Variants in PRDM16 observed in about 807,000 individuals in gnomAD.
PRDM16 encodes the protein histone-lysine N-methyltransferase PRDM16.
PRDM16 carries 23 observed loss-of-function variants against 110.6 expected under a neutral mutation model. The ratio of observed to expected loss-of-function variants is 0.21; its 90% CI spans 0.15 to 0.29. The LOEUF is 0.29. Among genes scored for constraint, PRDM16 ranks in the 10% least tolerant of loss-of-function variants. The pLI, the probability that PRDM16 is intolerant of heterozygous loss-of-function variation, is 1.00. For missense variants in PRDM16, 1,615 were observed against 1,794.3 expected (o/e 0.90, Z 1.81); for synonymous variants, 799 against 781.8 (o/e 1.02, Z -0.37).
intron 3 of PRDM16, among the ~76,000 whole-genome samples, chr1:3,383,804 C>G (rs967751184): frequency 2.6e-5 from 4 of 151,328 alleles, no homozygotes; most frequent in Middle Eastern, 3.4e-3. Flanking sequence ...ATCCATCACC[C>G]CTGCCCGCCC....
In PRDM16 at chr1:3,142,113, GC is replaced by G. The variant is rs143885429; in HGVS notation, c.38-44008del. On this transcript the variant is annotated intron_variant, in intron 1 of 16. Coordinates refer to ENST00000270722, the MANE Select transcript of PRDM16 (RefSeq NM_022114.4). ...AACCAAGCTCGTGAGAAACGGAGCT[GC>G]CCCAGCCTCCATCGGCTCCCCCCGT... 2.9e-3 allele frequency among the ~76,000 whole-genome samples: 442 copies of G among 152,358 alleles called. 2 individuals are homozygous for G. The highest frequency in any genetic ancestry group is 0.01 in the African/African-American group (433 of 41,598).
rs1393341586 is a variant in PRDM16 at position 3,339,520 on chromosome 1, A to G, written c.439-45632A>G. On this transcript the variant is annotated intron_variant, in intron 3 of 16. Coordinates refer to ENST00000270722, the MANE Select transcript of PRDM16 (RefSeq NM_022114.4). The surrounding 1 kb of genome is among the most constrained non-coding windows in gnomAD (Gnocchi z 5.0). ...CTACTTAGGCTGGGATTTCAAGAGC[A>G]ACAAAGCTTTGTTGCCCACCGAGCG... Among the ~76,000 whole-genome samples, 1 of 151,396 alleles carries G rather than the reference A, an allele frequency of 6.6e-6. No homozygotes were observed. The highest frequency in any genetic ancestry group is 2.4e-5 in the African/African-American group (1 of 41,104).
chr1:3,181,818 A>G (rs1223176690), intron 1 of PRDM16, among the ~76,000 whole-genome samples: 2 of 49,324 alleles, frequency 4.1e-5, no homozygotes, highest in Non-Finnish European at 7.6e-5. Flanking sequence ...GGTCTTACAC[A>G]TGCGGTCTTA....
chr1:3,336,963 A>G (rs1038869313), intron 3 of PRDM16, among the ~76,000 whole-genome samples: 2 of 147,280 alleles, frequency 1.4e-5, no homozygotes, highest in African/African-American at 5.1e-5. Flanking sequence ...GAGCACATGC[A>G]TGCACATATG....
rs548941044 is a variant in PRDM16, at chr1:3,154,036, C to T, written c.38-32089C>T. On this transcript the variant is annotated intron_variant, in intron 1 of 16. Coordinates refer to ENST00000270722, the MANE Select transcript of PRDM16 (RefSeq NM_022114.4). ...AAATACAGTAAAATCAGCCCAGGGA[C>T]GGCGCTCCCCTTCCCGTGCACTCTC... Among the ~76,000 whole-genome samples the T allele has an allele frequency of 2.6e-5, 4 of 152,308 alleles. No individual in the cohort carries two copies. The South Asian group carries it at 8.3e-4, about 32-fold the overall frequency.
At chr1:3,083,509 C>T (rs1642077218) in intron 1 of PRDM16, among the ~76,000 whole-genome samples, 1 of 152,126 alleles carries the variant, frequency 6.6e-6, no homozygotes, top group African/African-American at 2.4e-5. Flanking sequence ...GCTTCTTCAT[C>T]ATTTCTGTGA....
chr1:3,404,516 A>G (rs2100645592), intron 6 of PRDM16, among the ~76,000 whole-genome samples: 1 of 152,356 alleles, frequency 6.6e-6, no homozygotes, highest in Non-Finnish European at 1.5e-5. Flanking sequence ...GGAACCATCC[A>G]GGTGCCGGCT....
In PRDM16 at chr1:3,383,028, G is replaced by A. The variant is rs543332427; in HGVS notation, c.439-2124G>A. Among the ~76,000 whole-genome samples, 12 of 152,318 alleles carry A rather than the reference G, an allele frequency of 7.9e-5. No homozygotes were observed. The East Asian group carries it at 1.2e-3, about 15-fold the overall frequency. Reference sequence around the variant, plus strand: ...GCCTAGTTATGCTTCTTGGACCCACGTCCCCTGTGGACCACAGGCCCACCT... The same window carrying A: ...GCCTAGTTATGCTTCTTGGACCCACATCCCCTGTGGACCACAGGCCCACCT... On this transcript the variant is annotated intron_variant, in intron 3 of 16. Coordinates refer to ENST00000270722, the MANE Select transcript of PRDM16 (RefSeq NM_022114.4).
intron 3 of PRDM16, among the ~76,000 whole-genome samples, chr1:3,288,578 G>A (rs565306609): frequency 6.6e-6 from 1 of 152,264 alleles, no homozygotes; most frequent in East Asian, 1.9e-4. Context: ...CCCAAGCGGG[G>A]GACCAATGCC....
intron 1 of PRDM16, among the ~76,000 whole-genome samples, chr1:3,091,469 C>T (rs867350232): frequency 5.3e-5 from 8 of 152,206 alleles, no homozygotes; most frequent in Middle Eastern, 3.2e-3. Context: ...AGGGGGAGTT[C>T]GTGAGAAGGG....
chr1:3,213,155 C>A lies in PRDM16; in HGVS notation c.387+26681C>A, dbSNP rs2100850677. Among the ~76,000 whole-genome samples, 1 of 152,340 alleles carries A rather than the reference C, an allele frequency of 6.6e-6. No homozygotes were observed. Among genetic ancestry groups the A allele is most frequent in the African/African-American group, 2.4e-5 (1 of 41,586 alleles). ...AACTCCTCTGCCAAAAAAGGAAATG[C>A]CACCGCCAACAGCAACAGAAACACA... On this transcript the variant is annotated intron_variant, in intron 2 of 16. Transcript: ENST00000270722. This position sits in a 1 kb window ranked among gnomAD's most constrained non-coding sequence, Gnocchi z 5.3.
chr1:3,181,311 C>A (rs1253865448), intron 1 of PRDM16, among the ~76,000 whole-genome samples: 1 of 143,902 alleles, frequency 6.9e-6, no homozygotes, highest in African/African-American at 2.7e-5. Flanking sequence ...TACACACGGT[C>A]TTACACACGC....
At chr1:3,400,365 C>G (rs1430229008) in intron 5 of PRDM16, among the ~76,000 whole-genome samples, 2 of 152,174 alleles carry the variant, frequency 1.3e-5, no homozygotes, top group African/African-American at 4.8e-5. Context: ...AGGGGTCAGC[C>G]TTGCCACCCA....
intron 1 of PRDM16, among the ~76,000 whole-genome samples, chr1:3,150,389 CA>C (rs34595741): frequency 0.35 from 36,326 of 104,446 alleles, 5,202 homozygotes; most frequent in African/African-American, 0.44. Flanking sequence ...AACCCCATCT[CA>C]AAAAAAAAAA....
At chr1:3,275,072 T>C (rs924505939) in intron 3 of PRDM16, among the ~76,000 whole-genome samples, 6 of 152,224 alleles carry the variant, frequency 3.9e-5, no homozygotes, top group African/African-American at 1.4e-4. Flanking sequence ...GGCTCCCAGG[T>C]GCGCCTGGCA....
intron 3 of PRDM16, among the ~76,000 whole-genome samples, chr1:3,289,847 A>C: frequency 6.9e-6 from 1 of 144,490 alleles, no homozygotes; most frequent in African/African-American, 2.6e-5. Context: ...AGGAGTCAGG[A>C]CCCCACTCCC....
rs1175389781 is a variant in PRDM16, at chr1:3,290,409, G to A, written c.438+46272G>A. 3.9e-5 allele frequency among the ~76,000 whole-genome samples: 6 copies of A among 152,268 alleles called. No individual in the cohort carries two copies. The East Asian group carries it at 7.7e-4, about 20-fold the overall frequency. ...AGGCACAGAGAGGGGGAAATTTGCC[G>A]GTTCCCCAAAGAGCCTGCTGCCTCC... On this transcript the variant is annotated intron_variant, in intron 3 of 16. Coordinates refer to ENST00000270722, the MANE Select transcript of PRDM16 (RefSeq NM_022114.4). This position sits in a 1 kb window ranked among gnomAD's most constrained non-coding sequence, Gnocchi z 4.8.
chr1:3,224,388 C>T (rs1414902718), intron 2 of PRDM16, among the ~76,000 whole-genome samples: 1 of 152,112 alleles, frequency 6.6e-6, no homozygotes, highest in Admixed American at 6.5e-5. Context: ...AGTAGTGTCT[C>T]CCTCTGGAGG....
At chr1:3,357,158 G>A (rs1642620976) in intron 3 of PRDM16, among the ~76,000 whole-genome samples, 1 of 152,102 alleles carries the variant, frequency 6.6e-6, no homozygotes. Context: ...TCTGGGGCCG[G>A]GCCCTGGGAA....
Sources: allele counts gnomAD v4.1 joint callset (sites outside exome capture counted in the v4.1 genomes callset), GRCh38; gene constraint gnomAD v4.1.1; non-coding constraint Gnocchi (gnomAD v3.1); transcripts MANE v1.5; gene names NCBI Gene and HGNC (gene_info 2026-07-23, HGNC 2026-07-21).